The following JAKMIP2 variants were observed in gnomAD, a reference collection of about 807,000 sequenced individuals.
JAKMIP2 encodes the protein janus kinase and microtubule-interacting protein 2.
Under a neutral mutation model 115.0 loss-of-function variants are expected in JAKMIP2, and 25 were observed. That is an observed-to-expected ratio of 0.22 (90% CI 0.16 to 0.30). The LOEUF (loss-of-function observed/expected upper bound fraction) is 0.30. Among genes scored for constraint, JAKMIP2 ranks in the 10% least tolerant of loss-of-function variants. The probability of loss-of-function intolerance (pLI) is 1.00; values close to 1 mark genes in which losing one functional copy is unlikely to be tolerated. For synonymous variants in JAKMIP2, 334 were observed against 343.6 expected (o/e 0.97, Z 0.31); for missense variants, 642 against 957.6 (o/e 0.67, Z 4.35).
chr5:147,778,086 T>A (rs1490767886), intron 1 of JAKMIP2, among the ~76,000 whole-genome samples: 1 of 152,048 alleles, frequency 6.6e-6, no homozygotes, highest in Non-Finnish European at 1.5e-5. Context: ...GGAATTTTAA[T>A]CAGATCCTAA....
At chr5:147,632,225 G>A (rs999702117) in intron 13 of JAKMIP2, among the ~76,000 whole-genome samples, 17 of 151,722 alleles carry the variant, frequency 1.1e-4, no homozygotes, top group Non-Finnish European at 2.4e-4. Context: ...GGACTAAAAC[G>A]TTTACTTATA....
At chr5:147,776,185 G>T (rs1755548465) in intron 1 of JAKMIP2, among the ~76,000 whole-genome samples, 1 of 152,132 alleles carries the variant, frequency 6.6e-6, no homozygotes, top group Admixed American at 6.6e-5. Context: ...ACTACATCTT[G>T]GTGATATGGT....
chr5:147,708,809 T>C (rs926496296), intron 1 of JAKMIP2, among the ~76,000 whole-genome samples: 1 of 152,300 alleles, frequency 6.6e-6, no homozygotes, highest in South Asian at 2.1e-4. Context: ...CTTTGTAACA[T>C]TGTAGGTTCC....
chr5:147,715,111 G>A (rs1752921362), intron 1 of JAKMIP2, among the ~76,000 whole-genome samples: 1 of 152,074 alleles, frequency 6.6e-6, no homozygotes, highest in South Asian at 2.1e-4. Context: ...TCTTTGATAA[G>A]AGAAGAATAT....
At chr5:147,615,441 G>A (rs550104606) in intron 19 of JAKMIP2, among the ~76,000 whole-genome samples, 11 of 152,190 alleles carry the variant, frequency 7.2e-5, no homozygotes, top group African/African-American at 2.4e-4. Flanking sequence ...GAGTGGAGAG[G>A]GAAGTATGCT....
intron 1 of JAKMIP2, among the ~76,000 whole-genome samples, chr5:147,760,502 C>T (rs538805463): frequency 6.6e-6 from 1 of 150,594 alleles, no homozygotes; most frequent in East Asian, 2.0e-4. Flanking sequence ...TCTGAGAGGT[C>T]AATATAAGAA....
intron 1 of JAKMIP2, among the ~76,000 whole-genome samples, chr5:147,734,908 T>C (rs1753863837): frequency 6.6e-6 from 1 of 152,176 alleles, no homozygotes; most frequent in Non-Finnish European, 1.5e-5. Flanking sequence ...CTGTGTAAAG[T>C]GGACAGATGG....
chr5:147,782,529 C>T lies in JAKMIP2; in HGVS notation c.-222G>A, dbSNP rs1755800987. The T allele has an allele frequency of 1.3e-6, 2 of 1,494,608 alleles. No homozygotes were observed. Among genetic ancestry groups the T allele is most frequent in the Non-Finnish European group, 9.0e-7 (1 of 1,109,258 alleles). The allele number at this position is 1,494,608 out of a possible 1,614,324, so 92.6% of individuals were successfully genotyped here. A position where few individuals can be genotyped will look rare whatever the true frequency, so the allele number is the denominator to read the frequency against. The stretch of plus-strand genomic sequence containing the variant: ...GAATCCATTTTCCTTGTGACCGAGT[C>T]GGATGCAGCCTCCGAACCCAACATC... On this transcript the variant is annotated 5_prime_UTR_variant, in exon 1 of 22. Coordinates refer to ENST00000616793, the MANE Select transcript of JAKMIP2 (RefSeq NM_001270941.2).
intron 5 of JAKMIP2, among the ~76,000 whole-genome samples, chr5:147,645,373 T>G (rs1198751895): frequency 6.6e-6 from 1 of 152,056 alleles, no homozygotes; most frequent in African/African-American, 2.4e-5. Flanking sequence ...AGCTCAGAGA[T>G]AAAGGAGCTC....
rs1295049122 is a variant in JAKMIP2, at chr5:147,587,499, T to A, written c.*4208A>T. The A allele has an allele frequency of 1.3e-5, 2 of 152,074 alleles. No homozygotes were observed. The highest frequency in any genetic ancestry group is 2.9e-5 in the Non-Finnish European group (2 of 68,024). The allele number at this position is 152,074 out of a possible 1,614,324, so 9.4% of individuals were successfully genotyped here. A position where few individuals can be genotyped will look rare whatever the true frequency, so the allele number is the denominator to read the frequency against. ...ATTGAAATAATGCAATTAAATATTT[T>A]AAAAATAAAATTTCTATGCTGTCCA... On this transcript the variant is annotated 3_prime_UTR_variant, in exon 22 of 22. Transcript: ENST00000616793.
At chr5:147,624,403 G>A (rs1426381499) in intron 16 of JAKMIP2, among the ~76,000 whole-genome samples, 1 of 152,170 alleles carries the variant, frequency 6.6e-6, no homozygotes, top group Non-Finnish European at 1.5e-5. Flanking sequence ...AAGTGGAAGG[G>A]ACAACATGTC....
intron 1 of JAKMIP2, among the ~76,000 whole-genome samples, chr5:147,688,087 C>A (rs73797147): frequency 0.023 from 3,569 of 152,276 alleles, 150 homozygotes; most frequent in African/African-American, 0.082. Context: ...CACTCTTTTT[C>A]ATATCTATTA....
intron 1 of JAKMIP2, among the ~76,000 whole-genome samples, chr5:147,734,626 T>C (rs1354917184): frequency 6.6e-6 from 1 of 151,642 alleles, no homozygotes; most frequent in Non-Finnish European, 1.5e-5. Context: ...ATTCTGCCCA[T>C]GTATCCCAGA....
At chr5:147,758,138 G>T (rs1435268193) in intron 1 of JAKMIP2, among the ~76,000 whole-genome samples, 1 of 152,046 alleles carries the variant, frequency 6.6e-6, no homozygotes, top group East Asian at 1.9e-4. Flanking sequence ...AATAATGAAG[G>T]TCTCTGAGGT....
intron 1 of JAKMIP2, among the ~76,000 whole-genome samples, chr5:147,700,491 T>C (rs1163347591): frequency 6.6e-6 from 1 of 152,168 alleles, no homozygotes; most frequent in Non-Finnish European, 1.5e-5. Flanking sequence ...GAAAGGCTAA[T>C]ATATGTCTCA....
At chr5:147,775,268 T>C (rs1356616936) in intron 1 of JAKMIP2, among the ~76,000 whole-genome samples, 1 of 152,178 alleles carries the variant, frequency 6.6e-6, no homozygotes, top group Non-Finnish European at 1.5e-5. Context: ...TTAATTTATC[T>C]TTGGAGTGAG....
chr5:147,661,073 C>G lies in JAKMIP2; in HGVS notation c.502G>C (p.Glu168Gln). 6.2e-7 allele frequency: 1 copy of G among 1,613,978 alleles called. No individual in the cohort carries two copies. The highest frequency in any genetic ancestry group is 8.5e-7 in the Non-Finnish European group (1 of 1,180,008). ...DLKTAKKQVD[E>Q]ALSNMIQADK... ...GCTTGGATCATATTGCTCAGAGCCT[C>G]GTCCACCTGCTTCTTGGCCGTTTTC... The change falls in exon 3 of 22, where the codon GAG becomes CAG. Residue 168 changes from glutamate (E) to glutamine (Q), a missense_variant. This residue lies in a region of JAKMIP2 where 439 missense variants were observed against 570.9 expected (regional missense o/e 0.77). Transcript: ENST00000616793.
chr5:147,750,881 C>T (rs1165774059), intron 1 of JAKMIP2, among the ~76,000 whole-genome samples: 1 of 151,702 alleles, frequency 6.6e-6, no homozygotes, highest in African/African-American at 2.4e-5. Flanking sequence ...GAAACCAACC[C>T]TGTAATTACC....
At chr5:147,694,688 C>A (rs2126869176) in intron 1 of JAKMIP2, among the ~76,000 whole-genome samples, 1 of 152,278 alleles carries the variant, frequency 6.6e-6, no homozygotes, top group South Asian at 2.1e-4. Flanking sequence ...TTTGAGACTG[C>A]ATCTTTCTTA....
Sources: allele counts gnomAD v4.1 joint callset (sites outside exome capture counted in the v4.1 genomes callset), GRCh38; gene constraint gnomAD v4.1.1; regional missense constraint gnomAD v4.1.1; transcripts MANE v1.5; gene names NCBI Gene and HGNC (gene_info 2026-07-23, HGNC 2026-07-21).